DMD: variants seen among roughly 807,000 people sequenced by gnomAD.
DMD encodes mutant dystrophin.
A neutral mutation model predicts 330.1 loss-of-function variants in DMD; 63 were observed. That is an observed-to-expected ratio of 0.19 (90% confidence interval 0.16 to 0.24). DMD has a LOEUF of 0.24. Ranked by LOEUF, DMD falls within the 10% of genes least tolerant of loss-of-function variation. The pLI is 1.00. For missense variants in DMD, 3,344 were observed against 2,684.1 expected (o/e 1.25, Z -5.43); for synonymous variants, 1,223 against 959.8 (o/e 1.27, Z -5.07).
chrX:31,478,412 T>TG (rs2067988319), intron 58 of DMD, 38 bp from the exon 59 acceptor site: 2 of 1,180,463 alleles, frequency 1.7e-6, no homozygotes, highest in South Asian at 3.6e-5. Context: ...GGCCACATTC[T>TG]TTTTTTTTAA....
chrX:31,734,716 G>A (rs933687292), intron 51 of DMD, among the ~76,000 whole-genome samples: 3 of 110,888 alleles, frequency 2.7e-5, no homozygotes, highest in African/African-American at 6.6e-5. Flanking sequence ...GAAAACAAAC[G>A]AGTAGTGATG....
chrX:32,865,603 CTTGA>C lies in DMD; in HGVS notation c.94-15787_94-15784del, dbSNP rs372971433. ...AAGACACCCCATCCGAGTGTACCGA[CTTGA>C]TTAACCACCCAAAGCTGCTTAGGCA... On this transcript the variant is annotated intron_variant, in intron 2 of 78. Coordinates refer to ENST00000357033, the MANE Select transcript of DMD (RefSeq NM_004006.3). Among the ~76,000 whole-genome samples, 60 of 112,646 alleles carry C rather than the reference CTTGA, an allele frequency of 5.3e-4. 1 individual carries two copies. Among genetic ancestry groups the C allele is most frequent in the African/African-American group, 1.8e-3 (57 of 31,056 alleles).
chrX:31,663,814 T>C (rs1262187247), intron 53 of DMD, among the ~76,000 whole-genome samples: 1 of 111,375 alleles, frequency 9.0e-6, no homozygotes, highest in East Asian at 2.8e-4. Context: ...ACTCTATCAT[T>C]TTCTTTCCTT....
At chrX:32,372,534 T>A in intron 34 of DMD, among the ~76,000 whole-genome samples, 1 of 111,644 alleles carries the variant, frequency 9.0e-6, no homozygotes, top group East Asian at 2.8e-4. Context: ...GAAAATTCCA[T>A]TAACAGAAAA....
chrX:31,420,059 G>A (rs760236262), intron 60 of DMD, among the ~76,000 whole-genome samples: 25 of 110,621 alleles, frequency 2.3e-4, no homozygotes, highest in Non-Finnish European at 1.7e-4. Flanking sequence ...TCTTCTTTTT[G>A]ACTGCCTGTT....
chrX:31,891,641 G>A (rs779609512), intron 47 of DMD, among the ~76,000 whole-genome samples: 2 of 112,228 alleles, frequency 1.8e-5, no homozygotes, highest in Admixed American at 1.9e-4. Flanking sequence ...ATGCCCATTC[G>A]TTTATGTGTA....
intron 29 of DMD, among the ~76,000 whole-genome samples, chrX:32,414,863 A>G (rs1286455815): frequency 8.9e-6 from 1 of 112,086 alleles, no homozygotes; most frequent in Non-Finnish European, 1.9e-5. Context: ...TTTGCCCTAT[A>G]TTCCAATTCA....
At chrX:32,205,032 CACA>C (rs2147766582) in intron 44 of DMD, among the ~76,000 whole-genome samples, 1 of 87,309 alleles carries the variant, frequency 1.1e-5, no homozygotes, top group African/African-American at 4.2e-5. Flanking sequence ...CACACACACA[CACA>C]CACACACCCA....
At chrX:31,882,565 ATTG>A (rs1010580800) in intron 47 of DMD, among the ~76,000 whole-genome samples, 4 of 112,512 alleles carry the variant, frequency 3.6e-5, no homozygotes, top group Admixed American at 1.9e-4. Context: ...ATCAGGAAAG[ATTG>A]TTAAGAGAAA....
chrX:32,180,721 A>C (rs2096924348), intron 44 of DMD, among the ~76,000 whole-genome samples: 1 of 111,754 alleles, frequency 8.9e-6, no homozygotes, highest in African/African-American at 3.3e-5. Context: ...CCATCGTGGC[A>C]TAAGGTGAGA....
chrX:31,607,452 A>G (rs1032732540), intron 55 of DMD, among the ~76,000 whole-genome samples: 3 of 112,289 alleles, frequency 2.7e-5, no homozygotes, highest in African/African-American at 9.7e-5. Flanking sequence ...ACTCCTTGTG[A>G]CATTTTAGAA....
chrX:31,264,577 C>A (rs1218913490), intron 62 of DMD, among the ~76,000 whole-genome samples: 1 of 111,974 alleles, frequency 8.9e-6, no homozygotes, highest in Non-Finnish European at 1.9e-5. Flanking sequence ...ATCAGATATG[C>A]CTCTCTGAGC....
At chrX:32,801,814 G>A (rs1415421001) in intron 7 of DMD, among the ~76,000 whole-genome samples, 2 of 111,427 alleles carry the variant, frequency 1.8e-5, no homozygotes, top group Non-Finnish European at 3.8e-5. Flanking sequence ...AGATCAGATG[G>A]TTGTAGATGT....
At chrX:32,907,093 A>G (rs1260544778) in intron 2 of DMD, among the ~76,000 whole-genome samples, 1 of 112,072 alleles carries the variant, frequency 8.9e-6, no homozygotes, top group Non-Finnish European at 1.9e-5. Context: ...TAAATTCATG[A>G]GAAAATACCC....
At chrX:31,872,620 TTGCATTTAAAAGAGTAGAATG>T (rs1036728654) in intron 48 of DMD, among the ~76,000 whole-genome samples, 1 of 111,728 alleles carries the variant, frequency 9.0e-6, no homozygotes, top group African/African-American at 3.3e-5. Flanking sequence ...TAACCAAAGA[TTGCATTTAAAAGAGTAGAATG>T]TGCTTTTACC....
intron 44 of DMD, among the ~76,000 whole-genome samples, chrX:32,050,193 C>A (rs2096097944): frequency 9.0e-6 from 1 of 110,868 alleles, no homozygotes; most frequent in Admixed American, 9.6e-5. Flanking sequence ...TAGTATTATA[C>A]CAAATGTGAC....
chrX:32,235,845 G>GT (rs1309485983), intron 43 of DMD, among the ~76,000 whole-genome samples: 2 of 110,447 alleles, frequency 1.8e-5, no homozygotes, highest in African/African-American at 6.6e-5. Context: ...TAGTTTTAGT[G>GT]TTTTTTAACT....
chrX:32,988,837 A>G (rs2092911126), intron 2 of DMD, among the ~76,000 whole-genome samples: 1 of 111,869 alleles, frequency 8.9e-6, no homozygotes, highest in South Asian at 3.7e-4. Context: ...CAGTGTTTCA[A>G]CAGAAATATA....
chrX:31,576,873 G>A (rs1048844461), intron 55 of DMD, among the ~76,000 whole-genome samples: 5 of 109,356 alleles, frequency 4.6e-5, no homozygotes, highest in South Asian at 4.0e-4. Flanking sequence ...CCACCACCAC[G>A]CCCGGCTAAT....
Sources: gnomAD v4.1 joint callset for allele counts (sites outside exome capture counted in the v4.1 genomes callset) on GRCh38, gnomAD v4.1.1 for gene constraint, MANE v1.5 for transcripts, NCBI Gene and HGNC (gene_info 2026-07-23, HGNC 2026-07-21) for gene names.